C16orf74: variants seen among roughly 807,000 people sequenced by gnomAD.
C16orf74 encodes calcimembrin.
C16orf74 carries 10 observed loss-of-function variants against 6.5 expected under a neutral mutation model. The ratio of observed to expected loss-of-function variants is 1.54; its 90% CI spans 0.95 to 2.61. The LOEUF (loss-of-function observed/expected upper bound fraction) is 2.61, where lower values mean the gene tolerates loss of function less well. Among genes scored for constraint, C16orf74 ranks in the 30% most tolerant of loss-of-function variants. C16orf74 has a pLI of 0.00. For synonymous variants in C16orf74, 60 were observed against 42.5 expected, an observed-to-expected ratio of 1.41 and a Z score of -1.60; for missense variants, 141 against 105.9, an observed-to-expected ratio of 1.33 and a Z score of -1.45.
chr16:85,735,547 T>C lies in C16orf74; in HGVS notation c.-18-312A>G, dbSNP rs948472032. ...GGAGGCGGAGGCTGCAGTGAACTGA[T>C]GATGGGGAACCGACACCACCAAGCC... On this transcript the variant is annotated intron_variant, in intron 1 of 3. Coordinates refer to ENST00000284245, the MANE Select transcript of C16orf74 (RefSeq NM_206967.3). Among the ~76,000 whole-genome samples the C allele has an allele frequency of 4.6e-5, 7 of 152,094 alleles. No homozygotes were observed. In the East Asian group the frequency reaches 9.6e-4, roughly 21 times the overall value.
intron 2 of C16orf74, 116 bp downstream of exon 2, chr16:85,735,074 G>T: frequency 1.2e-6 from 1 of 816,240 alleles, no homozygotes; most frequent in Non-Finnish European, 1.9e-6. Context: ...CTGCTTTAAG[G>T]GATGGTGCCC....
chr16:85,726,143 C>G (rs572153162), intron 2 of C16orf74, among the ~76,000 whole-genome samples: 1 of 152,152 alleles, frequency 6.6e-6, no homozygotes, highest in Non-Finnish European at 1.5e-5. Flanking sequence ...CTCATCCCCT[C>G]GACTGCACCT....
intron 1 of C16orf74, among the ~76,000 whole-genome samples, chr16:85,739,626 C>T (rs555426257): frequency 6.5e-4 from 99 of 152,076 alleles, no homozygotes; most frequent in African/African-American, 2.0e-3. Flanking sequence ...TGGCGAAACC[C>T]CATCTCTACA....
At chr16:85,743,914 C>A (rs1421424125) in intron 1 of C16orf74, among the ~76,000 whole-genome samples, 2 of 152,036 alleles carry the variant, frequency 1.3e-5, no homozygotes, top group Non-Finnish European at 2.9e-5. Flanking sequence ...ATTAGCCGGG[C>A]ATGGTGTTGG....
At chr16:85,745,359 C>T (rs1457754922) in intron 1 of C16orf74, among the ~76,000 whole-genome samples, 1 of 152,198 alleles carries the variant, frequency 6.6e-6, no homozygotes, top group Non-Finnish European at 1.5e-5. Context: ...GGTCCCACTT[C>T]CATGTTGGCT....
At chr16:85,711,000 AG>A (rs1298623635) in intron 2 of C16orf74, 1 of 152,236 alleles carries the variant, frequency 6.6e-6, no homozygotes, top group African/African-American at 2.4e-5. Flanking sequence ...CTCGAGACAG[AG>A]TAAGTAGGAG....
At chr16:85,748,369 G>C (rs1261831387) in intron 1 of C16orf74, among the ~76,000 whole-genome samples, 2 of 151,972 alleles carry the variant, frequency 1.3e-5, no homozygotes, top group African/African-American at 4.8e-5. Flanking sequence ...GGAGGCTGAG[G>C]TGAGTGGATC....
At chr16:85,736,929 G>GA (rs2054251489) in intron 1 of C16orf74, among the ~76,000 whole-genome samples, 3 of 152,062 alleles carry the variant, frequency 2.0e-5, no homozygotes, top group Admixed American at 2.0e-4. Flanking sequence ...TTGTAATACC[G>GA]GCTACTCAGG....
At chr16:85,743,998 G>C (rs2054340711) in intron 1 of C16orf74, 1 of 151,734 alleles carries the variant, frequency 6.6e-6, no homozygotes, top group Non-Finnish European at 1.5e-5. Flanking sequence ...AGCTTGCAAT[G>C]AGTCGAGATT....
chr16:85,730,674 C>A (rs2054178520), intron 2 of C16orf74, among the ~76,000 whole-genome samples: 1 of 143,424 alleles, frequency 7.0e-6, no homozygotes, highest in Non-Finnish European at 1.5e-5. Context: ...AGCCAATTAA[C>A]CCCCATACAA....
At chr16:85,708,270 TC>T (rs2053933309) in intron 3 of C16orf74, among the ~76,000 whole-genome samples, 1 of 152,142 alleles carries the variant, frequency 6.6e-6, no homozygotes, top group African/African-American at 2.4e-5. Context: ...GAGGAACCCC[TC>T]CCAGCGTTCA....
intron 1 of C16orf74, chr16:85,743,723 A>T (rs2152066379): frequency 6.6e-6 from 1 of 152,260 alleles, no homozygotes; most frequent in East Asian, 1.9e-4. Flanking sequence ...GTTCCAGACC[A>T]GCCTGGCCAA....
chr16:85,737,866 C>T (rs1251616874), intron 1 of C16orf74, among the ~76,000 whole-genome samples: 1 of 152,070 alleles, frequency 6.6e-6, no homozygotes, highest in East Asian at 1.9e-4. Context: ...TTGTACAACC[C>T]GCAGCCCTCC....
intron 2 of C16orf74, among the ~76,000 whole-genome samples, chr16:85,714,194 T>A (rs1248439487): frequency 6.6e-6 from 1 of 151,854 alleles, no homozygotes; most frequent in Admixed American, 6.6e-5. Flanking sequence ...ACGGCCACGG[T>A]CCCTGGGACA....
chr16:85,716,467 G>A (rs1377593582), intron 2 of C16orf74, among the ~76,000 whole-genome samples: 2 of 142,226 alleles, frequency 1.4e-5, no homozygotes, highest in African/African-American at 5.3e-5. Context: ...GGAGGGAGAG[G>A]AAGGGAGGAG....
chr16:85,717,600 G>A (rs1372149917), intron 2 of C16orf74, among the ~76,000 whole-genome samples: 6 of 152,170 alleles, frequency 3.9e-5, no homozygotes, highest in African/African-American at 1.2e-4. Flanking sequence ...TGAGCTGGGG[G>A]TGCCGTGCCG....
intron 2 of C16orf74, among the ~76,000 whole-genome samples, chr16:85,720,771 CAAAA>C (rs57419341): frequency 3.7e-5 from 3 of 81,474 alleles, no homozygotes. Flanking sequence ...GATCCTGCCT[CAAAA>C]AAAAAAAAAA....
chr16:85,708,773 T>C (rs1327339215), intron 3 of C16orf74, among the ~76,000 whole-genome samples: 3 of 152,318 alleles, frequency 2.0e-5, no homozygotes, highest in East Asian at 3.9e-4. Context: ...CTCGCTCTGC[T>C]GGGCAAGTGG....
chr16:85,740,077 G>A (rs2054286642), intron 1 of C16orf74, among the ~76,000 whole-genome samples: 2 of 150,472 alleles, frequency 1.3e-5, no homozygotes, highest in Non-Finnish European at 1.5e-5. Context: ...AGGCGTGGTG[G>A]CAGGCACCCG....
Sources: allele counts gnomAD v4.1 joint callset (sites outside exome capture counted in the v4.1 genomes callset), GRCh38; gene constraint gnomAD v4.1.1; transcripts MANE v1.5; gene names NCBI Gene and HGNC (gene_info 2026-07-23, HGNC 2026-07-21).